Variants in LHFPL2 observed in about 807,000 individuals in gnomAD.
The protein encoded by LHFPL2 is LHFPL tetraspan subfamily member 2 protein.
A neutral mutation model predicts 17.5 loss-of-function variants in LHFPL2; 7 were observed. That is an observed-to-expected ratio of 0.40 (90% confidence interval 0.23 to 0.75). The LOEUF (loss-of-function observed/expected upper bound fraction) is 0.75, where lower values mean the gene tolerates loss of function less well. Ranked by LOEUF, LHFPL2 falls within the 30% of genes least tolerant of loss-of-function variation. The pLI, the probability that LHFPL2 is intolerant of heterozygous loss-of-function variation, is 0.37. For synonymous variants in LHFPL2, 134 were observed against 116.2 expected, an observed-to-expected ratio of 1.15 and a Z score of -0.99; for missense variants, 241 against 294.8, an observed-to-expected ratio of 0.82 and a Z score of 1.34.
At chr5:78,602,214 A>G (rs1322383912) in intron 2 of LHFPL2, among the ~76,000 whole-genome samples, 1 of 152,186 alleles carries the variant, frequency 6.6e-6, no homozygotes, top group Non-Finnish European at 1.5e-5. Context: ...GAAGAAAGGA[A>G]AAAAGAAAAA....
At chr5:78,632,059 T>G (rs1420368715) in intron 2 of LHFPL2, among the ~76,000 whole-genome samples, 2 of 152,048 alleles carry the variant, frequency 1.3e-5, no homozygotes, top group Admixed American at 1.3e-4. Context: ...GAAAGAGGGC[T>G]GAGTAATGAG....
chr5:78,568,143 T>A (rs964507038), intron 2 of LHFPL2, among the ~76,000 whole-genome samples: 1 of 152,190 alleles, frequency 6.6e-6, no homozygotes, highest in Non-Finnish European at 1.5e-5. Flanking sequence ...CAAATATGGG[T>A]TTTTATTCAC....
At chr5:78,573,272 T>G (rs1168110489) in intron 2 of LHFPL2, among the ~76,000 whole-genome samples, 1 of 152,220 alleles carries the variant, frequency 6.6e-6, no homozygotes, top group Admixed American at 6.5e-5. Context: ...AAAAACTTCT[T>G]GGCACAGACT....
chr5:78,528,945 T>C (rs1755699421), intron 3 of LHFPL2, among the ~76,000 whole-genome samples: 1 of 152,094 alleles, frequency 6.6e-6, no homozygotes, highest in South Asian at 2.1e-4. Flanking sequence ...GAAAGCCAAA[T>C]GTTAATTGGC....
chr5:78,599,970 G>T (rs1036110044), intron 2 of LHFPL2, among the ~76,000 whole-genome samples: 1 of 152,020 alleles, frequency 6.6e-6, no homozygotes, highest in African/African-American at 2.4e-5. Context: ...AAGTGATCAG[G>T]AAAATCTTGT....
chr5:78,614,531 C>G (rs1359556879), intron 2 of LHFPL2, among the ~76,000 whole-genome samples: 1 of 152,150 alleles, frequency 6.6e-6, no homozygotes, highest in Non-Finnish European at 1.5e-5. Context: ...GCACATAAAC[C>G]TACTGTTTCT....
At chr5:78,563,863 AC>A (rs1321096450) in intron 3 of LHFPL2, among the ~76,000 whole-genome samples, 3 of 152,340 alleles carry the variant, frequency 2.0e-5, no homozygotes, top group African/African-American at 7.2e-5. Flanking sequence ...AACAACAACA[AC>A]AAAAACCTCA....
chr5:78,552,677 G>A (rs1756478927), intron 3 of LHFPL2, among the ~76,000 whole-genome samples: 1 of 152,224 alleles, frequency 6.6e-6, no homozygotes, highest in Admixed American at 6.5e-5. Context: ...GAAAGAATTA[G>A]GGAAAAATAA....
intron 3 of LHFPL2, among the ~76,000 whole-genome samples, chr5:78,559,059 C>G (rs1756656825): frequency 6.6e-6 from 1 of 152,220 alleles, no homozygotes; most frequent in Non-Finnish European, 1.5e-5. Context: ...CCTGCCCACC[C>G]TACTCTCCCA....
At chr5:78,489,207 C>G in intron 4 of LHFPL2, 54 bp from the exon 5 acceptor site, 1 of 1,590,108 alleles carries the variant, frequency 6.3e-7, no homozygotes, top group Non-Finnish European at 8.6e-7. Flanking sequence ...CTACAACTGT[C>G]CAGATCTGTT....
At chr5:78,537,557 A>G (rs1383132064) in intron 3 of LHFPL2, among the ~76,000 whole-genome samples, 1 of 152,234 alleles carries the variant, frequency 6.6e-6, no homozygotes, top group Non-Finnish European at 1.5e-5. Context: ...AACAGCTCTT[A>G]GTGAATGGAA....
At chr5:78,606,629 C>G (rs577959641) in intron 2 of LHFPL2, among the ~76,000 whole-genome samples, 5 of 152,264 alleles carry the variant, frequency 3.3e-5, no homozygotes, top group Non-Finnish European at 7.4e-5. Context: ...ACATAGTAGC[C>G]AACTCCAGCC....
At chr5:78,640,064 GAAC>G (rs1745614785) in intron 1 of LHFPL2, among the ~76,000 whole-genome samples, 1 of 152,140 alleles carries the variant, frequency 6.6e-6, no homozygotes, top group South Asian at 2.1e-4. Flanking sequence ...AGAAAATGCT[GAAC>G]AATAGAATCA....
At chr5:78,613,866 G>C (rs1305698443) in intron 2 of LHFPL2, among the ~76,000 whole-genome samples, 6 of 152,182 alleles carry the variant, frequency 3.9e-5, no homozygotes, top group African/African-American at 7.2e-5. Flanking sequence ...CAAAAAGGGA[G>C]AAGGGGGTTA....
At chr5:78,556,661 ATACAT>A (rs1483410139) in intron 3 of LHFPL2, among the ~76,000 whole-genome samples, 6 of 152,250 alleles carry the variant, frequency 3.9e-5, no homozygotes, top group Admixed American at 3.3e-4. Context: ...GGTTTAAGAT[ATACAT>A]CATAAGACAG....
chr5:78,497,907 G>A lies in LHFPL2; in HGVS notation c.431-8754C>T, dbSNP rs151204462. Among the ~76,000 whole-genome samples, 343 of 152,356 alleles carry A rather than the reference G, an allele frequency of 2.3e-3. 2 individuals are homozygous for A. The highest frequency in any genetic ancestry group is 0.01 in the Middle Eastern group (3 of 294). ...CTTTCAGGTATCTAGACACCAGCCT[G>A]AGTCTAGGCTCAGATCTCTGAAATT... On this transcript the variant is annotated intron_variant, in intron 4 of 4. Transcript: ENST00000380345.
intron 3 of LHFPL2, among the ~76,000 whole-genome samples, chr5:78,530,652 T>C (rs1755753808): frequency 6.6e-6 from 1 of 152,224 alleles, no homozygotes; most frequent in Admixed American, 6.5e-5. Flanking sequence ...TCAGGCCTTA[T>C]TAATCACTTT....
At chr5:78,538,198 T>C (rs761785096) in intron 3 of LHFPL2, among the ~76,000 whole-genome samples, 13 of 152,222 alleles carry the variant, frequency 8.5e-5, no homozygotes, top group Non-Finnish European at 1.6e-4. Context: ...AGTCACCTGA[T>C]GTAGATTGAC....
At chr5:78,576,802 T>C (rs1311402063) in intron 2 of LHFPL2, among the ~76,000 whole-genome samples, 1 of 152,254 alleles carries the variant, frequency 6.6e-6, no homozygotes, top group African/African-American at 2.4e-5. Context: ...CAGGGGTACA[T>C]AGGCAGATTT....
Sources: gnomAD v4.1 joint callset for allele counts (sites outside exome capture counted in the v4.1 genomes callset) on GRCh38, gnomAD v4.1.1 for gene constraint, MANE v1.5 for transcripts, NCBI Gene and HGNC (gene_info 2026-07-23, HGNC 2026-07-21) for gene names.